Variants in C10orf67 observed in about 807,000 individuals in gnomAD.
C10orf67 encodes the protein uncharacterized protein C10orf67, mitochondrial.
Under a neutral mutation model 35.6 loss-of-function variants are expected in C10orf67, and 60 were observed. The observed-to-expected ratio is 1.68, with a 90% CI of 1.37 to 2.09. The LOEUF is 2.09. Ranked by LOEUF, C10orf67 falls within the 30% of genes most tolerant of loss-of-function variation. The pLI is 0.00. For synonymous variants in C10orf67, 167 were observed against 115.8 expected, an observed-to-expected ratio of 1.44 and a Z score of -2.84; for missense variants, 474 against 330.2, an observed-to-expected ratio of 1.44 and a Z score of -3.38.
chr10:23,310,106 T>G (rs1844440332), intron 4 of C10orf67, among the ~76,000 whole-genome samples: 1 of 152,234 alleles, frequency 6.6e-6, no homozygotes, highest in Non-Finnish European at 1.5e-5. Flanking sequence ...ACACTGCCCC[T>G]GCAAATCTAG....
chr10:23,209,575 A>G lies in C10orf67; in HGVS notation c.1571-5320T>C, dbSNP rs186818144. Among the ~76,000 whole-genome samples, 299 of 152,348 alleles carry G rather than the reference A, an allele frequency of 2.0e-3. 3 individuals carry two copies. The highest frequency in any genetic ancestry group is 5.7e-3 in the African/African-American group (236 of 41,566). ...AAGGAGGAGGAAGAGGAGAAGGATGAAAGAAGAAGAGACGGAGAGGAAGAA... is the reference window on the plus strand; with the variant it reads ...AAGGAGGAGGAAGAGGAGAAGGATGGAAGAAGAAGAGACGGAGAGGAAGAA... On this transcript the variant is annotated intron_variant, in intron 15 of 15. Coordinates refer to ENST00000636213, the MANE Select transcript of C10orf67 (RefSeq NM_001371909.1).
At chr10:23,331,182 AGGG>A (rs1235002944) in intron 2 of C10orf67, among the ~76,000 whole-genome samples, 15 of 30,046 alleles carry the variant, frequency 5.0e-4, no homozygotes, top group South Asian at 1.5e-3. Context: ...GGGACGGGGA[AGGG>A]AAGGGAAGGG....
At chr10:23,226,718 G>C (rs2132113363) in intron 13 of C10orf67, among the ~76,000 whole-genome samples, 1 of 152,086 alleles carries the variant, frequency 6.6e-6, no homozygotes, top group East Asian at 1.9e-4. Flanking sequence ...AGAAAAGAGA[G>C]AAGAATCAAA....
intron 2 of C10orf67, among the ~76,000 whole-genome samples, chr10:23,323,894 A>AATATATATATATGTAT (rs1845059094): frequency 7.0e-5 from 3 of 42,810 alleles, no homozygotes; most frequent in Non-Finnish European, 1.8e-4. Context: ...ACTCCGTCTA[A>AATATATATATATGTAT]ATATATATAT....
intron 10 of C10orf67, among the ~76,000 whole-genome samples, chr10:23,264,360 C>A (rs1379779860): frequency 6.6e-6 from 1 of 152,020 alleles, no homozygotes; most frequent in Non-Finnish European, 1.5e-5. Flanking sequence ...AATATGTAAA[C>A]CCAGTTTAAG....
intron 15 of C10orf67, among the ~76,000 whole-genome samples, chr10:23,221,810 G>A (rs1283292960): frequency 1.3e-5 from 2 of 152,146 alleles, no homozygotes; most frequent in South Asian, 4.1e-4. Flanking sequence ...GTAAAAATAG[G>A]AAATTTATTT....
intron 5 of C10orf67, among the ~76,000 whole-genome samples, chr10:23,292,824 TTTCAC>T (rs1420541637): frequency 1.3e-5 from 2 of 152,050 alleles, no homozygotes; most frequent in African/African-American, 2.4e-5. Context: ...TGATTCACCA[TTTCAC>T]TTAAATTATT....
rs865985947 is a variant in C10orf67, at chr10:23,241,638, T to G, written c.1347-1822A>C. Among the ~76,000 whole-genome samples the G allele has an allele frequency of 8.5e-5, 13 of 152,206 alleles. No homozygotes were observed. In the South Asian group the frequency reaches 1.0e-3, roughly 12 times the overall value. ...ATATCTTGAGATAGAGTAATTATTC[T>G]AGATTATTTAGTGGGCCCAATGTAA... On this transcript the variant is annotated intron_variant, in intron 12 of 15. Coordinates refer to ENST00000636213, the MANE Select transcript of C10orf67 (RefSeq NM_001371909.1).
intron 1 of C10orf67, among the ~76,000 whole-genome samples, chr10:23,333,441 A>G (rs1444386457): frequency 1.3e-5 from 2 of 152,268 alleles, no homozygotes; most frequent in African/African-American, 4.8e-5. Context: ...CAATTTATAT[A>G]CCTGCTTTTA....
chr10:23,341,740 C>T (rs1044933639), intron 1 of C10orf67, among the ~76,000 whole-genome samples: 10 of 152,162 alleles, frequency 6.6e-5, no homozygotes, highest in African/African-American at 2.2e-4. Flanking sequence ...CATCCAGGCA[C>T]CATCTTTCTA....
intron 15 of C10orf67, among the ~76,000 whole-genome samples, chr10:23,217,927 A>G (rs1189599071): frequency 2.6e-5 from 4 of 152,206 alleles, no homozygotes; most frequent in Non-Finnish European, 5.9e-5. Flanking sequence ...TCAAAGATTA[A>G]CACTGTATTT....
chr10:23,309,639 T>A (rs1000891974), intron 4 of C10orf67, among the ~76,000 whole-genome samples: 13 of 152,192 alleles, frequency 8.5e-5, no homozygotes, highest in African/African-American at 2.4e-4. Context: ...TAGGGAATGA[T>A]GTTCTGACTG....
At chr10:23,294,943 T>C (rs1843835561) in intron 5 of C10orf67, among the ~76,000 whole-genome samples, 2 of 152,196 alleles carry the variant, frequency 1.3e-5, no homozygotes, top group Non-Finnish European at 1.5e-5. Context: ...AAAAGTGTGT[T>C]TCATTTTATT....
chr10:23,220,576 A>C (rs569873053), intron 15 of C10orf67, among the ~76,000 whole-genome samples: 136 of 152,298 alleles, frequency 8.9e-4, no homozygotes, highest in Non-Finnish European at 1.7e-3. Context: ...ATCTTGGGGC[A>C]GGTGAAAATA....
chr10:23,226,865 A>T (rs1413163923), intron 13 of C10orf67, among the ~76,000 whole-genome samples: 1 of 152,224 alleles, frequency 6.6e-6, no homozygotes, highest in Non-Finnish European at 1.5e-5. Flanking sequence ...TCCTGGACAC[A>T]TACACCTTCC....
At position 23,250,678 on chromosome 10, in the gene C10orf67, T is replaced by C. The variant is rs1316252799; in HGVS notation, c.1214A>G (p.His405Arg). Residue 405 changes from histidine to arginine, a missense_variant, in exon 11 of 16, where the codon CAT becomes CGT. By Grantham distance (29) the His-to-Arg change is conservative. Coordinates refer to ENST00000636213, the MANE Select transcript of C10orf67 (RefSeq NM_001371909.1). The stretch of plus-strand genomic sequence containing the variant: ...TGCTTCTATTTGAGACTCCAAACCA[T>C]GTTTGTCTTCAACCTTTCAATAGAA... The part of the protein sequence containing the change: ...KEDQAVVEDK[H>R]GLESQIEALK... 1.5e-5 allele frequency: 6 copies of C among 398,554 alleles called. No individual in the cohort carries two copies. Among genetic ancestry groups the C allele is most frequent in the African/African-American group, 2.1e-5 (1 of 48,630 alleles). The allele number at this position is 398,554 out of a possible 1,614,324, so 24.7% of individuals were successfully genotyped here.
chr10:23,224,972 C>T (rs1588588229), intron 13 of C10orf67, among the ~76,000 whole-genome samples: 1 of 152,252 alleles, frequency 6.6e-6, no homozygotes, highest in East Asian at 1.9e-4. Flanking sequence ...AGAACTTCCC[C>T]AACCTAGCAA....
intron 10 of C10orf67, among the ~76,000 whole-genome samples, chr10:23,265,681 A>G (rs1842868537): frequency 6.6e-6 from 1 of 152,242 alleles, no homozygotes; most frequent in Non-Finnish European, 1.5e-5. Flanking sequence ...CCTCATAAAT[A>G]TACACACAAT....
intron 4 of C10orf67, among the ~76,000 whole-genome samples, chr10:23,314,527 C>A (rs990649007): frequency 7.2e-6 from 1 of 139,692 alleles, no homozygotes; most frequent in Admixed American, 7.0e-5. Flanking sequence ...CACACACACA[C>A]AAACTTATTA....
Sources: gnomAD v4.1 joint callset for allele counts (sites outside exome capture counted in the v4.1 genomes callset) on GRCh38, gnomAD v4.1.1 for gene constraint, MANE v1.5 for transcripts, NCBI Gene and HGNC (gene_info 2026-07-23, HGNC 2026-07-21) for gene names.